The following ARHGAP28 variants were observed in gnomAD, a reference collection of about 807,000 sequenced individuals.
ARHGAP28 encodes rho GTPase-activating protein 28.
ARHGAP28 carries 56 observed loss-of-function variants against 90.7 expected under a neutral mutation model. The ratio of observed to expected loss-of-function variants is 0.62; its 90% confidence interval spans 0.50 to 0.77. The LOEUF (loss-of-function observed/expected upper bound fraction) is 0.77. Among genes scored for constraint, ARHGAP28 ranks in the 30% least tolerant of loss-of-function variants. ARHGAP28 has a pLI of 0.00. For synonymous variants in ARHGAP28, 308 were observed against 323.3 expected (o/e 0.95, Z 0.51); for missense variants, 869 against 900.9 (o/e 0.96, Z 0.45).
intron 4 of ARHGAP28, among the ~76,000 whole-genome samples, chr18:6,857,430 G>A (rs114266946): frequency 3.3e-3 from 497 of 152,340 alleles, no homozygotes; most frequent in African/African-American, 0.011. Flanking sequence ...TAAACATCGC[G>A]TGTGGAGAAC....
chr18:6,817,332 C>CAAAAAAA (rs34524960), intron 1 of ARHGAP28, among the ~76,000 whole-genome samples: 2 of 147,776 alleles, frequency 1.4e-5, no homozygotes, highest in Non-Finnish European at 3.0e-5. Context: ...AACAAACAAA[C>CAAAAAAA]AAAAAAAAAA....
intron 1 of ARHGAP28, among the ~76,000 whole-genome samples, chr18:6,763,085 T>G (rs2056174606): frequency 6.6e-6 from 1 of 150,404 alleles, no homozygotes; most frequent in Non-Finnish European, 1.5e-5. Flanking sequence ...GGGATGGTTG[T>G]TTGTTTGTTT....
chr18:6,826,602 C>T (rs1049003172), intron 2 of ARHGAP28, among the ~76,000 whole-genome samples: 9 of 150,554 alleles, frequency 6.0e-5, no homozygotes, highest in South Asian at 2.1e-4. Context: ...CTCCCACGAG[C>T]GCGTATGAGC....
intron 2 of ARHGAP28, among the ~76,000 whole-genome samples, chr18:6,828,422 AGTTTAATCAGGTCCC>A (rs2056691564): frequency 6.7e-6 from 1 of 149,932 alleles, no homozygotes; most frequent in South Asian, 2.1e-4. Context: ...AGAGCTCTTT[AGTTTAATCAGGTCCC>A]ACTTGTCAAT....
At chr18:6,840,020 C>T (rs181733039) in intron 3 of ARHGAP28, among the ~76,000 whole-genome samples, 1 of 152,284 alleles carries the variant, frequency 6.6e-6, no homozygotes, top group Admixed American at 6.5e-5. Context: ...CACTGGGATA[C>T]CCTTCTGTTC....
chr18:6,818,086 T>G (rs1336176587), intron 1 of ARHGAP28, among the ~76,000 whole-genome samples: 2 of 152,176 alleles, frequency 1.3e-5, no homozygotes, highest in Non-Finnish European at 2.9e-5. Flanking sequence ...TGCCAGGCAT[T>G]TTACATGTAT....
At chr18:6,870,377 A>T (rs2057073950) in intron 6 of ARHGAP28, among the ~76,000 whole-genome samples, 1 of 152,222 alleles carries the variant, frequency 6.6e-6, no homozygotes, top group Non-Finnish European at 1.5e-5. Context: ...TGTTTGGGCA[A>T]TGATGATAAA....
intron 3 of ARHGAP28, among the ~76,000 whole-genome samples, chr18:6,845,337 C>T (rs1381351860): frequency 2.6e-5 from 4 of 152,214 alleles, no homozygotes; most frequent in Non-Finnish European, 5.9e-5. Context: ...GCTGGGATTA[C>T]AGACATGAGC....
At chr18:6,848,814 C>T (rs1014225211) in intron 3 of ARHGAP28, among the ~76,000 whole-genome samples, 1 of 152,146 alleles carries the variant, frequency 6.6e-6, no homozygotes, top group African/African-American at 2.4e-5. Context: ...CAGGCATCCT[C>T]AGGACATGCA....
At chr18:6,823,246 G>A (rs1379787234) in intron 1 of ARHGAP28, among the ~76,000 whole-genome samples, 1 of 151,906 alleles carries the variant, frequency 6.6e-6, no homozygotes, top group Non-Finnish European at 1.5e-5. Flanking sequence ...TCTGGAAGTA[G>A]CCATTCTGCT....
At chr18:6,858,703 G>A (rs754768229) in intron 4 of ARHGAP28, among the ~76,000 whole-genome samples, 59 of 151,910 alleles carry the variant, frequency 3.9e-4, no homozygotes, top group Non-Finnish European at 6.5e-4. Flanking sequence ...GCTAATTTTT[G>A]TATTTTCAGT....
chr18:6,913,000 C>T lies in ARHGAP28; in HGVS notation c.*846C>T, dbSNP rs899744801. 2.6e-5 allele frequency: 4 copies of T among 152,176 alleles called. No individual in the cohort carries two copies. The highest frequency in any genetic ancestry group is 4.4e-5 in the Non-Finnish European group (3 of 68,034). The allele number at this position is 152,176 out of a possible 1,614,324, so 9.4% of individuals were successfully genotyped here. On this transcript the variant is annotated 3_prime_UTR_variant, in exon 18 of 18. Transcript: ENST00000383472. ...CCAGGCACGGGCTTCCTTTTCTGATCAAACATACCATTTTTTATATTTCAC... is the reference window on the plus strand; with the variant it reads ...CCAGGCACGGGCTTCCTTTTCTGATTAAACATACCATTTTTTATATTTCAC...
chr18:6,745,497 G>C (rs773670223), intron 1 of ARHGAP28, among the ~76,000 whole-genome samples: 5 of 152,090 alleles, frequency 3.3e-5, no homozygotes, highest in African/African-American at 4.8e-5. Context: ...TTTAAAAATC[G>C]AGGTATACTT....
chr18:6,858,888 T>C (rs1395931043), intron 4 of ARHGAP28, among the ~76,000 whole-genome samples: 1 of 152,182 alleles, frequency 6.6e-6, no homozygotes, highest in Non-Finnish European at 1.5e-5. Context: ...AAAAAGATCT[T>C]TGTTCATTTT....
At chr18:6,900,602 GTT>G (rs768279653) in intron 16 of ARHGAP28, among the ~76,000 whole-genome samples, 39 of 151,940 alleles carry the variant, frequency 2.6e-4, no homozygotes, top group Middle Eastern at 3.4e-3. Context: ...TGTCAATAGA[GTT>G]TATCGATTAT....
chr18:6,890,084 A>G lies in ARHGAP28; in HGVS notation c.1733A>G (p.Lys578Arg), dbSNP rs533594088. 6.2e-7 allele frequency: 1 copy of G among 1,614,152 alleles called. No homozygotes were observed. Among genetic ancestry groups the G allele is most frequent in the East Asian group, 2.2e-5 (1 of 44,872 alleles). ...CTTAAGTACCAGAAGATTTTGTGGA[A>G]GGTGAGTGACATAGTGATGACAGGT... is the stretch of plus-strand genomic sequence containing the variant. ...LMLKYQKILW[K>R]VPSFLITQVR... is the part of the protein sequence containing the mutation. The change falls in exon 13 of 18, where the codon AAG becomes AGG. Residue 578 changes from lysine (K) to arginine (R), a missense_variant and splice_region_variant. By Grantham distance (26) the Lys-to-Arg change is conservative (BLOSUM62 2). Transcript: ENST00000383472.
intron 1 of ARHGAP28, chr18:6,730,219 G>GTATATATACATATATATATA (rs374482561): frequency 1.3e-5 from 2 of 158,806 alleles, no homozygotes; most frequent in Admixed American, 8.0e-5. Context: ...GATAAGTCAT[G>GTATATATACATATATATATA]TGTATATATA....
chr18:6,772,668 G>T (rs2143417850), intron 1 of ARHGAP28, among the ~76,000 whole-genome samples: 1 of 152,178 alleles, frequency 6.6e-6, no homozygotes, highest in Admixed American at 6.5e-5. Flanking sequence ...TGTAGGTTGG[G>T]TTTATTCAAT....
At chr18:6,839,644 C>A (rs1424839319) in intron 3 of ARHGAP28, among the ~76,000 whole-genome samples, 1 of 152,116 alleles carries the variant, frequency 6.6e-6, no homozygotes, top group African/African-American at 2.4e-5. Flanking sequence ...AGTCAGCCTC[C>A]CCCTTCACTT....
Sources: allele counts gnomAD v4.1 joint callset (sites outside exome capture counted in the v4.1 genomes callset), GRCh38; gene constraint gnomAD v4.1.1; transcripts MANE v1.5; gene names NCBI Gene and HGNC (gene_info 2026-07-23, HGNC 2026-07-21).